The following DYNAP variants were observed in gnomAD, a reference collection of about 807,000 sequenced individuals.
DYNAP encodes dynactin-associated protein.
A neutral mutation model predicts 8.5 loss-of-function variants in DYNAP; 7 were observed. The observed-to-expected ratio is 0.82, with a 90% CI of 0.47 to 1.54. The LOEUF is 1.54. Ranked by LOEUF, DYNAP falls within the 40% of genes most tolerant of loss-of-function variation. The probability of loss-of-function intolerance (pLI) is 0.01; values close to 1 mark genes in which losing one functional copy is unlikely to be tolerated. For missense variants in DYNAP, 256 were observed against 224.3 expected, an observed-to-expected ratio of 1.14 and a Z score of -0.90; for synonymous variants, 77 against 77.9, an observed-to-expected ratio of 0.99 and a Z score of 0.06.
intron 2 of DYNAP, among the ~76,000 whole-genome samples, chr18:54,596,228 A>T (rs902219644): frequency 6.6e-6 from 1 of 151,836 alleles, no homozygotes; most frequent in East Asian, 1.9e-4. Flanking sequence ...ATATGCCACC[A>T]TGCCTGGCTA....
the DYNAP span, among the ~76,000 whole-genome samples, chr18:54,578,681 G>A: frequency 2.0e-5 from 3 of 152,156 alleles, no homozygotes; most frequent in East Asian, 1.9e-4. Context: ...CTGGTTTTAA[G>A]AGAAAACTCT....
chr18:54,587,278 G>A (rs920636171), upstream of DYNAP, among the ~76,000 whole-genome samples: 1 of 152,132 alleles, frequency 6.6e-6, no homozygotes, highest in African/African-American at 2.4e-5. Flanking sequence ...ACAAATGAGT[G>A]TGATAGCGCA....
rs750289160 is a variant in DYNAP, at chr18:54,594,928, T to C, written c.58-11T>C. ...CTAGGCTTCCTACTCACTTCCACTC[T>C]GCCTTTGTAGCCAATCACACATCCA... On this transcript the variant is annotated splice_polypyrimidine_tract_variant and intron_variant, in intron 1 of 2. Transcript: ENST00000648945. 3.1e-6 allele frequency: 5 copies of C among 1,606,798 alleles called. No individual in the cohort carries two copies. The highest frequency in any genetic ancestry group is 4.3e-6 in the Non-Finnish European group (5 of 1,176,320).
upstream of DYNAP, among the ~76,000 whole-genome samples, chr18:54,583,428 G>T (rs1354228250): frequency 6.6e-6 from 1 of 152,190 alleles, no homozygotes; most frequent in African/African-American, 2.4e-5. Flanking sequence ...CATCTCATTG[G>T]CAGAGCCTAG....
upstream of DYNAP, among the ~76,000 whole-genome samples, chr18:54,586,493 G>A (rs1185443181): frequency 6.6e-6 from 1 of 152,134 alleles, no homozygotes; most frequent in Non-Finnish European, 1.5e-5. Flanking sequence ...GCACCACCCT[G>A]GCCATGCTTC....
At chr18:54,590,162 C>T (rs1305932319), upstream of DYNAP, among the ~76,000 whole-genome samples, 1 of 152,152 alleles carries the variant, frequency 6.6e-6, no homozygotes, top group Non-Finnish European at 1.5e-5. Flanking sequence ...AACAATAACT[C>T]CCCATTTCCG....
the DYNAP span, among the ~76,000 whole-genome samples, chr18:54,579,018 C>T: frequency 1.3e-5 from 2 of 152,112 alleles, no homozygotes; most frequent in African/African-American, 4.8e-5. Context: ...CCAGGTTGGT[C>T]TCAATCTCCT....
At chr18:54,591,091 A>G, upstream of DYNAP, 2 of 1,094,832 alleles carry the variant, frequency 1.8e-6, no homozygotes, top group Non-Finnish European at 2.5e-6. Flanking sequence ...TGCAGTTAAC[A>G]TTTCATTTCC....
the DYNAP span, among the ~76,000 whole-genome samples, chr18:54,575,726 A>G: frequency 1.3e-5 from 2 of 152,258 alleles, no homozygotes; most frequent in Non-Finnish European, 2.9e-5. Flanking sequence ...GTCATGAGCC[A>G]TCGCAGGTAC....
upstream of DYNAP, among the ~76,000 whole-genome samples, chr18:54,582,761 T>C (rs1910761685): frequency 6.6e-6 from 1 of 152,234 alleles, no homozygotes; most frequent in Non-Finnish European, 1.5e-5. Flanking sequence ...CTTGTCTCTC[T>C]TTTGAGCTAT....
intron 1 of DYNAP, among the ~76,000 whole-genome samples, chr18:54,592,575 C>T (rs1253313243): frequency 6.6e-6 from 1 of 151,952 alleles, no homozygotes; most frequent in African/African-American, 2.4e-5. Flanking sequence ...CAAGTTAATC[C>T]TTATAAAGTT....
At chr18:54,592,511 C>T (rs1911122545) in intron 1 of DYNAP, among the ~76,000 whole-genome samples, 1 of 152,014 alleles carries the variant, frequency 6.6e-6, no homozygotes, top group Non-Finnish European at 1.5e-5. Flanking sequence ...ATTATAAACA[C>T]ACAGAAAATA....
At chr18:54,585,385 A>G (rs552332041), upstream of DYNAP, among the ~76,000 whole-genome samples, 2 of 152,086 alleles carry the variant, frequency 1.3e-5, no homozygotes, top group South Asian at 2.1e-4. Flanking sequence ...CTCTTTGCCT[A>G]TGTAATCTAG....
At chr18:54,581,288 A>G in the DYNAP span, among the ~76,000 whole-genome samples, 1 of 152,242 alleles carries the variant, frequency 6.6e-6, no homozygotes, top group Middle Eastern at 3.2e-3. Flanking sequence ...GACATTTACT[A>G]TATGTCTATC....
Position 54,598,176 on chromosome 18 carries a change from A to C in DYNAP, c.*31A>C. ...ACAGCCATAGCCATCACTTCAACTG[A>C]AACTTCAACCTCTACCACTTCAACT... On this transcript the variant is annotated 3_prime_UTR_variant, in exon 3 of 3. Transcript: ENST00000648945. 5.1e-6 allele frequency: 8 copies of C among 1,574,546 alleles called. No individual in the cohort carries two copies. The highest frequency in any genetic ancestry group is 6.9e-6 in the Non-Finnish European group (8 of 1,158,024).
At chr18:54,588,565 T>G (rs1396435336), upstream of DYNAP, among the ~76,000 whole-genome samples, 1 of 152,212 alleles carries the variant, frequency 6.6e-6, no homozygotes, top group Non-Finnish European at 1.5e-5. Flanking sequence ...ATTTAAAATT[T>G]ATAAGTAAAC....
chr18:54,577,860 G>A, the DYNAP span, among the ~76,000 whole-genome samples: 2 of 151,500 alleles, frequency 1.3e-5, no homozygotes, highest in East Asian at 1.9e-4. Context: ...CCAGCTACTC[G>A]GGAGGCTGAG....
intron 2 of DYNAP, 125 bp downstream of exon 2, chr18:54,595,228 T>A: frequency 8.9e-7 from 1 of 1,121,560 alleles, no homozygotes; most frequent in Non-Finnish European, 1.2e-6. Flanking sequence ...ATTAAGCATT[T>A]GCTGTATTCT....
upstream of DYNAP, among the ~76,000 whole-genome samples, chr18:54,588,366 C>T (rs185853312): frequency 1.8e-3 from 266 of 151,990 alleles, 1 homozygote; most frequent in Middle Eastern, 0.017. Context: ...TCATCATGCC[C>T]GGCTAATTTT....
Sources: gnomAD v4.1 joint callset for allele counts (sites outside exome capture counted in the v4.1 genomes callset) on GRCh38, gnomAD v4.1.1 for gene constraint, MANE v1.5 for transcripts, NCBI Gene and HGNC (gene_info 2026-07-23, HGNC 2026-07-21) for gene names.